SKOR2: variants seen among roughly 807,000 people sequenced by gnomAD.
SKOR2 encodes the protein SKI family transcriptional corepressor 2.
Under a neutral mutation model 69.1 loss-of-function variants are expected in SKOR2, and 47 were observed. That is an observed-to-expected ratio of 0.68 (90% CI 0.54 to 0.87). SKOR2 has a LOEUF of 0.87. Among genes scored for constraint, SKOR2 ranks in the 40% least tolerant of loss-of-function variants. The pLI, the probability that SKOR2 is intolerant of heterozygous loss-of-function variation, is 0.00. For synonymous variants in SKOR2, 717 were observed against 672.6 expected (o/e 1.07, Z -1.02); for missense variants, 1,404 against 1,472.2 (o/e 0.95, Z 0.76).
intron 4 of SKOR2, among the ~76,000 whole-genome samples, chr18:47,239,199 T>TA (rs1210767908): frequency 6.6e-6 from 1 of 152,108 alleles, no homozygotes; most frequent in South Asian, 2.1e-4. Context: ...ATTAAGTCAT[T>TA]AAAAAATCAA....
At chr18:47,239,905 G>T (rs1037303782) in intron 4 of SKOR2, among the ~76,000 whole-genome samples, 6 of 152,076 alleles carry the variant, frequency 3.9e-5, no homozygotes, top group African/African-American at 1.4e-4. Context: ...TTTACCTAAT[G>T]TCACCTAGTG....
intron 4 of SKOR2, among the ~76,000 whole-genome samples, chr18:47,233,713 G>A (rs1476896126): frequency 1.3e-5 from 2 of 152,134 alleles, no homozygotes; most frequent in Non-Finnish European, 2.9e-5. Context: ...GATTCCTTTT[G>A]ACTCATTAGT....
chr18:47,219,826 G>A (rs2064155539), intron 7 of SKOR2, 117 bp downstream of exon 7: 5 of 825,208 alleles, frequency 6.1e-6, no homozygotes, highest in Non-Finnish European at 5.8e-6. Flanking sequence ...TAAGCCAGCT[G>A]AGAGGTAAGT....
In SKOR2 at chr18:47,246,648, C is replaced by A. The variant is rs1295982946; in HGVS notation, c.2536G>T (p.Ala846Ser). Residue 846 changes from alanine (A) to serine (S), a missense_variant, in exon 2 of 9, where the codon GCG (alanine) becomes TCG (serine). By Grantham distance (99) the Ala-to-Ser change is moderately conservative. Coordinates refer to ENST00000425639, the MANE Select transcript of SKOR2 (RefSeq NM_001278063.4). ...GGGCTGCTGCTGCCGCCGCCACTCG[C>A]CTTCTGGGGGGCCAGGGGCGGCGGC... is the stretch of plus-strand genomic sequence containing the variant. ...PPPPPLAPQK[A>S]SGGGSSSPGS... The A allele has an allele frequency of 5.9e-6, 9 of 1,516,156 alleles. No homozygotes were observed. The highest frequency in any genetic ancestry group is 7.9e-6 in the Non-Finnish European group (9 of 1,139,332). 93.9% of individuals were successfully genotyped at this position (1,516,156 alleles called of 1,614,324 possible).
rs2064297536 is a variant in SKOR2 at position 47,248,734 on chromosome 18, C to T, written c.450G>A (p.Glu150=). 1.9e-6 allele frequency: 3 copies of T among 1,553,798 alleles called. No homozygotes were observed. The highest frequency in any genetic ancestry group is 4.8e-5 in the East Asian group (2 of 41,850). ...PDNFAFDVSH[E]CAWGCRGSFI... ...AGCTGCCGCGGCAGCCCCAGGCGCA[C>T]TCGTGTGACACGTCGAAGGCGAAAT... is the stretch of plus-strand genomic sequence containing the variant. The change falls in exon 2 of 9, where the codon GAG becomes GAA. Residue 150 remains glutamate (E), a synonymous_variant. Transcript: ENST00000425639. The surrounding 1 kb of genome is among the most constrained non-coding windows in gnomAD (Gnocchi z 6.4).
At chr18:47,222,343 G>T (rs1360054557) in intron 6 of SKOR2, among the ~76,000 whole-genome samples, 3 of 151,944 alleles carry the variant, frequency 2.0e-5, no homozygotes, top group Non-Finnish European at 4.4e-5. Flanking sequence ...AAAATTTTTG[G>T]TGACAAAATA....
chr18:47,230,688 T>C (rs894013101), intron 5 of SKOR2, 131 bp from the exon 6 acceptor site: 3 of 672,080 alleles, frequency 4.5e-6, no homozygotes, highest in Non-Finnish European at 7.0e-6. Context: ...AGACATAGGA[T>C]AGATTTTGTG....
At chr18:47,242,404 A>G (rs1380648193) in intron 4 of SKOR2, among the ~76,000 whole-genome samples, 1 of 152,166 alleles carries the variant, frequency 6.6e-6, no homozygotes, top group African/African-American at 2.4e-5. Flanking sequence ...TCTTAAAAAA[A>G]TTATGAATGT....
At chr18:47,227,326 A>AT (rs778462203) in intron 6 of SKOR2, among the ~76,000 whole-genome samples, 7,522 of 91,158 alleles carry the variant, frequency 0.083, 1,458 homozygotes, top group African/African-American at 0.11. Flanking sequence ...CAAGAAGCCA[A>AT]TTTTTTTTTT....
chr18:47,247,698 C>T lies in SKOR2; in HGVS notation c.1486G>A (p.Gly496Ser). The change falls in exon 2 of 9, where the codon GGC (glycine) becomes AGC (serine). Residue 496 changes from glycine (G) to serine (S), a missense_variant. Gly to Ser is a moderately conservative substitution (Grantham distance 56). Coordinates refer to ENST00000425639, the MANE Select transcript of SKOR2 (RefSeq NM_001278063.4). This position sits in a 1 kb window ranked among gnomAD's most constrained non-coding sequence, Gnocchi z 6.6. ...QPPPQPPSAL[G>S]CALGESPALL... is the part of the protein sequence containing the mutation. The stretch of plus-strand genomic sequence containing the variant: ...GCCGGGCTTTCGCCTAGCGCGCAGC[C>T]TAGCGCCGAGGGCGGCTGAGGCGGG... 7.3e-7 allele frequency: 1 copy of T among 1,366,442 alleles called. No homozygotes were observed. Among genetic ancestry groups the T allele is most frequent in the Non-Finnish European group, 9.4e-7 (1 of 1,068,662 alleles). 84.6% of individuals were successfully genotyped at this position (1,366,442 alleles called of 1,614,324 possible). A position where few individuals can be genotyped will look rare whatever the true frequency, so the allele number is the denominator to read the frequency against.
intron 7 of SKOR2, among the ~76,000 whole-genome samples, chr18:47,216,855 A>G (rs116438629): frequency 0.011 from 1,672 of 152,308 alleles, 34 homozygotes; most frequent in African/African-American, 0.038. Context: ...TAAATATAAA[A>G]TAATTTGAGT....
intron 4 of SKOR2, among the ~76,000 whole-genome samples, chr18:47,238,830 G>A (rs2064236741): frequency 1.3e-5 from 2 of 152,178 alleles, no homozygotes; most frequent in South Asian, 4.1e-4. Context: ...TGCATGCAAA[G>A]CTGCAAACAA....
chr18:47,219,930 A>G lies in SKOR2; in HGVS notation c.2985+13T>C, dbSNP rs890754102. ...TTAAGTTGCATTTATTTTTAAGTAG[A>G]AATGCAGCTTACAATTTGTAACTGT... On this transcript the variant is annotated intron_variant, in intron 7 of 8. Transcript: ENST00000425639. 5 of 1,534,440 alleles carry G rather than the reference A, an allele frequency of 3.3e-6. No individual in the cohort carries two copies. In the African/African-American group the frequency reaches 4.1e-5, roughly 13 times the overall value.
chr18:47,234,798 T>G (rs1319398403), intron 4 of SKOR2, among the ~76,000 whole-genome samples: 1 of 138,984 alleles, frequency 7.2e-6, no homozygotes, highest in African/African-American at 2.7e-5. Flanking sequence ...GAGGCAGAGA[T>G]TGCAGTAAAC....
intron 4 of SKOR2, among the ~76,000 whole-genome samples, chr18:47,242,827 T>G (rs1369678134): frequency 6.6e-6 from 1 of 152,168 alleles, no homozygotes; most frequent in African/African-American, 2.4e-5. Context: ...AAAACTAATG[T>G]GTGTAAATTA....
At chr18:47,214,543 C>T (rs530365727) in intron 7 of SKOR2, among the ~76,000 whole-genome samples, 48 of 152,230 alleles carry the variant, frequency 3.2e-4, no homozygotes, top group African/African-American at 1.1e-3. Context: ...AGTCCTAAAT[C>T]ATGAATGGTA....
intron 8 of SKOR2, among the ~76,000 whole-genome samples, chr18:47,211,332 T>A (rs922060852): frequency 2.0e-5 from 3 of 152,228 alleles, no homozygotes; most frequent in Non-Finnish European, 4.4e-5. Flanking sequence ...GATTTAGCAA[T>A]CCTAGTTGTT....
chr18:47,224,573 T>C (rs916145558), intron 6 of SKOR2, among the ~76,000 whole-genome samples: 1 of 152,138 alleles, frequency 6.6e-6, no homozygotes, highest in African/African-American at 2.4e-5. Context: ...TCAATTTGTT[T>C]ACAAATGTCT....
intron 6 of SKOR2, among the ~76,000 whole-genome samples, chr18:47,228,766 TGTTTCTTATG>T (rs2064187345): frequency 6.6e-6 from 1 of 152,240 alleles, no homozygotes; most frequent in Non-Finnish European, 1.5e-5. Context: ...TCAAAGCACC[TGTTTCTTATG>T]GTTTCAAAGA....
Sources: gnomAD v4.1 joint callset for allele counts (sites outside exome capture counted in the v4.1 genomes callset) on GRCh38, gnomAD v4.1.1 for gene constraint, Gnocchi (gnomAD v3.1) non-coding constraint, MANE v1.5 for transcripts, NCBI Gene and HGNC (gene_info 2026-07-23, HGNC 2026-07-21) for gene names.